Variants in GALNT1 observed in about 807,000 individuals in gnomAD.
The protein encoded by GALNT1 is polypeptide N-acetylgalactosaminyltransferase 1.
Under a neutral mutation model 65.7 loss-of-function variants are expected in GALNT1, and 17 were observed. The ratio of observed to expected loss-of-function variants is 0.26; its 90% CI spans 0.18 to 0.39. GALNT1 has a LOEUF of 0.39. Among genes scored for constraint, GALNT1 ranks in the 10% least tolerant of loss-of-function variants. The pLI is 1.00. For missense variants in GALNT1, 460 were observed against 672.8 expected (o/e 0.68, Z 3.50); for synonymous variants, 210 against 219.7 (o/e 0.96, Z 0.39).
intron 11 of GALNT1, among the ~76,000 whole-genome samples, chr18:35,705,044 T>G (rs1175851752): frequency 6.6e-6 from 1 of 152,186 alleles, no homozygotes; most frequent in Non-Finnish European, 1.5e-5. Context: ...TTGGCCTGGC[T>G]CTCTCTCCTT....
intron 2 of GALNT1, among the ~76,000 whole-genome samples, chr18:35,658,504 T>C (rs776913498): frequency 7.9e-5 from 12 of 152,278 alleles, no homozygotes; most frequent in African/African-American, 2.4e-4. Context: ...TGCTTTGATA[T>C]GAAGTTTCAG....
At chr18:35,667,825 C>T (rs1485327611) in intron 3 of GALNT1, among the ~76,000 whole-genome samples, 1 of 152,128 alleles carries the variant, frequency 6.6e-6, no homozygotes, top group African/African-American at 2.4e-5. Flanking sequence ...CATATCGTAC[C>T]AATATCCTTA....
At chr18:35,695,626 C>T (rs1329179037) in intron 9 of GALNT1, among the ~76,000 whole-genome samples, 1 of 152,180 alleles carries the variant, frequency 6.6e-6, no homozygotes, top group Non-Finnish European at 1.5e-5. Context: ...CGCATTTATC[C>T]TAACAGTTAC....
intron 2 of GALNT1, among the ~76,000 whole-genome samples, chr18:35,660,662 A>G (rs1430013403): frequency 6.6e-6 from 1 of 152,238 alleles, no homozygotes; most frequent in Non-Finnish European, 1.5e-5. Context: ...GAACATGGAA[A>G]GTTTATACTT....
Position 35,654,741 on chromosome 18 carries a change from T to C in GALNT1, c.79T>C (p.Tyr27His). The C allele has an allele frequency of 6.3e-7, 1 of 1,582,072 alleles. No individual in the cohort carries two copies. Among genetic ancestry groups the C allele is most frequent in the South Asian group, 1.2e-5 (1 of 86,396 alleles). ...WVLLDMFLLLYFSECNKCDEK... is the reference protein window; with the variant it reads ...WVLLDMFLLLHFSECNKCDEK... ...ACTCTTGGATATGTTCCTGCTGCTT[T>C]ACTTCAGTGAATGCAACAAATGTGA... The change falls in exon 2 of 12, where the codon TAC becomes CAC. Residue 27 changes from tyrosine to histidine, a missense_variant. Tyr to His is a moderately conservative substitution (Grantham distance 83). Coordinates refer to ENST00000269195, the MANE Select transcript of GALNT1 (RefSeq NM_020474.4).
intron 3 of GALNT1, among the ~76,000 whole-genome samples, chr18:35,667,798 G>A (rs888972499): frequency 2.6e-5 from 4 of 152,132 alleles, no homozygotes; most frequent in Admixed American, 6.5e-5. Context: ...CTGTGAATTG[G>A]TAGTTAGACC....
chr18:35,628,954 A>G (rs575889340), intron 1 of GALNT1, among the ~76,000 whole-genome samples: 1 of 152,372 alleles, frequency 6.6e-6, no homozygotes, highest in Non-Finnish European at 1.5e-5. Context: ...ATCAACTGGA[A>G]GAAAGGGTAT....
intron 1 of GALNT1, among the ~76,000 whole-genome samples, chr18:35,608,325 A>T (rs1397123646): frequency 6.6e-6 from 1 of 152,190 alleles, no homozygotes; most frequent in Admixed American, 6.5e-5. Flanking sequence ...ATTAAATTTA[A>T]TGTTTTTTAA....
At chr18:35,675,592 C>G (rs2047700278) in intron 3 of GALNT1, among the ~76,000 whole-genome samples, 1 of 152,178 alleles carries the variant, frequency 6.6e-6, no homozygotes, top group South Asian at 2.1e-4. Flanking sequence ...AACCTGCTGT[C>G]TCCACATTTT....
At chr18:35,627,855 G>A (rs921655498) in intron 1 of GALNT1, among the ~76,000 whole-genome samples, 2 of 152,106 alleles carry the variant, frequency 1.3e-5, no homozygotes, top group South Asian at 2.1e-4. Flanking sequence ...CTGGAACATC[G>A]GGTCACTCCC....
At chr18:35,691,692 C>T (rs992820015) in intron 8 of GALNT1, among the ~76,000 whole-genome samples, 1 of 152,284 alleles carries the variant, frequency 6.6e-6, no homozygotes, top group Non-Finnish European at 1.5e-5. Flanking sequence ...ACAGGGCCTT[C>T]TTTCCGGAAA....
At chr18:35,706,229 G>A (rs902490332) in intron 11 of GALNT1, among the ~76,000 whole-genome samples, 6 of 152,142 alleles carry the variant, frequency 3.9e-5, no homozygotes, top group Admixed American at 3.3e-4. Flanking sequence ...AGAAAGAGCC[G>A]GCCGGGCGCG....
At chr18:35,676,676 G>A (rs1358872832) in intron 3 of GALNT1, among the ~76,000 whole-genome samples, 1 of 152,124 alleles carries the variant, frequency 6.6e-6, no homozygotes, top group Non-Finnish European at 1.5e-5. Context: ...GAGGAGGGTG[G>A]AGCAACTGTT....
chr18:35,682,286 A>G (rs2047797963), intron 4 of GALNT1, among the ~76,000 whole-genome samples: 2 of 151,436 alleles, frequency 1.3e-5, no homozygotes, highest in South Asian at 4.1e-4. Context: ...TTATTGAGTC[A>G]TTTTGTCTTG....
chr18:35,603,979 T>A (rs903274079), intron 1 of GALNT1, among the ~76,000 whole-genome samples: 2 of 152,156 alleles, frequency 1.3e-5, no homozygotes, highest in Non-Finnish European at 2.9e-5. Flanking sequence ...GTTACATGGG[T>A]ATATTGCATG....
intron 1 of GALNT1, among the ~76,000 whole-genome samples, chr18:35,650,801 C>T (rs1309502968): frequency 6.6e-6 from 1 of 152,076 alleles, no homozygotes; most frequent in Non-Finnish European, 1.5e-5. Flanking sequence ...TCAAGGTGCC[C>T]AGATTTCATA....
In GALNT1 at chr18:35,706,669, G is replaced by T. The variant is rs531667444; in HGVS notation, c.1534-2955G>T. ...ATAAAGTTGAGCATTCAGGATGTTT[G>T]TTAGGGAGCACTTTCTGGGCCAATA... is the stretch of plus-strand genomic sequence containing the variant. On this transcript the variant is annotated intron_variant, in intron 11 of 11. Transcript: ENST00000269195. Among the ~76,000 whole-genome samples, 3 of 152,202 alleles carry T rather than the reference G, an allele frequency of 2.0e-5. No individual in the cohort carries two copies. The East Asian group carries it at 5.8e-4, about 29-fold the overall frequency.
intron 1 of GALNT1, among the ~76,000 whole-genome samples, chr18:35,583,175 G>C (rs908538823): frequency 6.6e-6 from 1 of 152,180 alleles, no homozygotes; most frequent in South Asian, 2.1e-4. Context: ...ATGGTACTCC[G>C]AGTCCTGCTA....
At chr18:35,665,034 T>A (rs539111535) in intron 3 of GALNT1, among the ~76,000 whole-genome samples, 1 of 152,242 alleles carries the variant, frequency 6.6e-6, no homozygotes, top group Admixed American at 6.5e-5. Context: ...ATCACCCTTA[T>A]GGAAACTCAT....
Sources: gnomAD v4.1 joint callset for allele counts (sites outside exome capture counted in the v4.1 genomes callset) on GRCh38, gnomAD v4.1.1 for gene constraint, MANE v1.5 for transcripts, NCBI Gene and HGNC (gene_info 2026-07-23, HGNC 2026-07-21) for gene names.